Variants in SYNPO2 observed in about 807,000 individuals in gnomAD.
SYNPO2 encodes synaptopodin-2.
A neutral mutation model predicts 85.0 loss-of-function variants in SYNPO2; 56 were observed. The observed-to-expected ratio is 0.66, with a 90% confidence interval of 0.53 to 0.82. The LOEUF (loss-of-function observed/expected upper bound fraction) is 0.82. SYNPO2 is among the 40% of genes least tolerant of loss of function. The pLI, the probability that SYNPO2 is intolerant of heterozygous loss-of-function variation, is 0.00. For missense variants in SYNPO2, 1,575 were observed against 1,534.2 expected (o/e 1.03, Z -0.44); for synonymous variants, 602 against 591.1 (o/e 1.02, Z -0.27).
intron 1 of SYNPO2, among the ~76,000 whole-genome samples, chr4:118,953,512 G>A (rs1336915868): frequency 6.6e-6 from 1 of 151,962 alleles, no homozygotes; most frequent in African/African-American, 2.4e-5. Context: ...ATGGTATAGG[G>A]TTCTCAGAAA....
intron 4 of SYNPO2, chr4:119,042,252 C>T (rs1396863085): frequency 2.2e-5 from 3 of 137,300 alleles, no homozygotes; most frequent in Admixed American, 7.7e-5. Context: ...AGACAAAAGA[C>T]TAAAGGGGGC....
intron 1 of SYNPO2, among the ~76,000 whole-genome samples, chr4:118,957,478 G>A (rs895954974): frequency 2.0e-5 from 3 of 152,096 alleles, no homozygotes; most frequent in Admixed American, 6.5e-5. Flanking sequence ...GGAAAGTCAC[G>A]TAACCTCTTC....
At chr4:118,861,385 A>T (rs1274031894) in intron 1 of SYNPO2, among the ~76,000 whole-genome samples, 1 of 152,006 alleles carries the variant, frequency 6.6e-6, no homozygotes, top group African/African-American at 2.4e-5. Context: ...GTTAGCCACG[A>T]TGGCCTTGAT....
At chr4:118,923,136 A>T (rs1314906253) in intron 1 of SYNPO2, among the ~76,000 whole-genome samples, 3 of 152,120 alleles carry the variant, frequency 2.0e-5, no homozygotes, top group Non-Finnish European at 2.9e-5. Flanking sequence ...GAGTCATGGA[A>T]TCAACCTAAA....
chr4:118,988,170 A>G (rs537578983), intron 1 of SYNPO2, among the ~76,000 whole-genome samples: 2 of 152,320 alleles, frequency 1.3e-5, no homozygotes, highest in Non-Finnish European at 2.9e-5. Flanking sequence ...AATATTGCAT[A>G]AACTATTATT....
intron 4 of SYNPO2, chr4:119,033,636 AT>A: frequency 1.0e-6 from 1 of 985,394 alleles, no homozygotes; most frequent in Non-Finnish European, 1.2e-6. Context: ...TACCATTTTA[AT>A]CTTCTGAAAA....
intron 4 of SYNPO2, among the ~76,000 whole-genome samples, chr4:119,039,146 C>T (rs1335678501): frequency 1.3e-5 from 2 of 152,146 alleles, no homozygotes; most frequent in African/African-American, 4.8e-5. Context: ...CCACTCTAAG[C>T]ACTTTTTTGG....
At chr4:118,876,717 CT>C (rs763295712) in intron 1 of SYNPO2, among the ~76,000 whole-genome samples, 9 of 119,708 alleles carry the variant, frequency 7.5e-5, no homozygotes, top group African/African-American at 2.7e-4. Flanking sequence ...TTCTTTCTTT[CT>C]TTCTTTCTTT....
chr4:118,903,926 C>A (rs1732841787), intron 1 of SYNPO2, among the ~76,000 whole-genome samples: 1 of 152,046 alleles, frequency 6.6e-6, no homozygotes. Context: ...CCATGTTGGC[C>A]AAGATGGTCT....
intron 1 of SYNPO2, among the ~76,000 whole-genome samples, chr4:118,936,588 C>G (rs975164596): frequency 6.6e-6 from 1 of 152,152 alleles, no homozygotes; most frequent in Non-Finnish European, 1.5e-5. Flanking sequence ...TGATAACCAC[C>G]CAGGGTACAC....
intron 1 of SYNPO2, among the ~76,000 whole-genome samples, chr4:119,008,958 G>C (rs1416935141): frequency 1.3e-5 from 2 of 152,034 alleles, no homozygotes; most frequent in African/African-American, 4.8e-5. Context: ...ATAATAGAGA[G>C]GAAATGGAAA....
intron 1 of SYNPO2, among the ~76,000 whole-genome samples, chr4:118,860,862 T>A (rs987020386): frequency 6.6e-6 from 1 of 152,208 alleles, no homozygotes; most frequent in Non-Finnish European, 1.5e-5. Flanking sequence ...GCCTGACTAT[T>A]TTTAAAATCA....
In SYNPO2 at chr4:119,029,140, A is replaced by G. The variant is rs183151854; in HGVS notation, c.1070-705A>G. Reference sequence around the variant, plus strand: ...TACATTTACAAACAAATCTGTCTAGAAAACTTTGTAGCTAGAGTTTCTTAT... The same window carrying G: ...TACATTTACAAACAAATCTGTCTAGGAAACTTTGTAGCTAGAGTTTCTTAT... On this transcript the variant is annotated intron_variant, in intron 3 of 4. Transcript: ENST00000307142. 1.6e-3 allele frequency among the ~76,000 whole-genome samples: 248 copies of G among 152,186 alleles called. 3 individuals carry two copies. Among genetic ancestry groups the G allele is most frequent in the African/African-American group, 5.6e-3 (234 of 41,558 alleles).
chr4:118,869,900 G>A (rs949790076), intron 1 of SYNPO2, among the ~76,000 whole-genome samples: 6 of 152,180 alleles, frequency 3.9e-5, no homozygotes, highest in African/African-American at 1.4e-4. Flanking sequence ...GGTTCTGTGA[G>A]AAACCTATGA....
intron 1 of SYNPO2, among the ~76,000 whole-genome samples, chr4:118,925,798 G>A (rs1035006679): frequency 2.6e-5 from 4 of 151,948 alleles, no homozygotes; most frequent in African/African-American, 9.7e-5. Flanking sequence ...TATGGGTGGG[G>A]TGTGTAATTA....
rs183034938 is a variant in SYNPO2 at position 119,052,445 on chromosome 4, C to T, written c.3253-4956C>T. 2.4e-3 allele frequency among the ~76,000 whole-genome samples: 364 copies of T among 152,334 alleles called. 1 individual carries two copies. The highest frequency in any genetic ancestry group is 3.9e-3 in the Non-Finnish European group (262 of 68,034). ...CCCAGTGATGGGAATCTTTCAATAT[C>T]CCATAAAAATGTCCCTCTCTGGGCC... On this transcript the variant is annotated intron_variant, in intron 4 of 4. Transcript: ENST00000307142.
chr4:119,045,263 C>T (rs936284587), intron 4 of SYNPO2, among the ~76,000 whole-genome samples: 2 of 152,174 alleles, frequency 1.3e-5, no homozygotes, highest in Non-Finnish European at 2.9e-5. Flanking sequence ...AAATTAAGTG[C>T]TTACCATGTG....
At chr4:118,897,322 A>G (rs901022958) in intron 1 of SYNPO2, among the ~76,000 whole-genome samples, 2 of 152,120 alleles carry the variant, frequency 1.3e-5, no homozygotes, top group African/African-American at 2.4e-5. Context: ...CTCCCTCAAC[A>G]TGTGAGGATT....
At chr4:119,008,022 G>A (rs1737146451) in intron 1 of SYNPO2, among the ~76,000 whole-genome samples, 1 of 152,094 alleles carries the variant, frequency 6.6e-6, no homozygotes, top group Admixed American at 6.5e-5. Flanking sequence ...AACACAAATG[G>A]GAGACTAAAT....
Sources: allele counts gnomAD v4.1 joint callset (sites outside exome capture counted in the v4.1 genomes callset), GRCh38; gene constraint gnomAD v4.1.1; transcripts MANE v1.5; gene names NCBI Gene and HGNC (gene_info 2026-07-23, HGNC 2026-07-21).